Variants in AMOTL2 observed in about 807,000 individuals in gnomAD.
AMOTL2 encodes the protein angiomotin-like protein 2.
A neutral mutation model predicts 78.4 loss-of-function variants in AMOTL2; 33 were observed. The observed-to-expected ratio is 0.42, with a 90% CI of 0.32 to 0.56. AMOTL2 has a LOEUF of 0.56. Among genes scored for constraint, AMOTL2 ranks in the 20% least tolerant of loss-of-function variants. The probability of loss-of-function intolerance (pLI) is 0.12; values close to 1 mark genes in which losing one functional copy is unlikely to be tolerated. For missense variants in AMOTL2, 983 were observed against 1,030.1 expected, an observed-to-expected ratio of 0.95 and a Z score of 0.63; for synonymous variants, 422 against 428.8, an observed-to-expected ratio of 0.98 and a Z score of 0.20.
At chr3:134,363,947 C>T (rs368931117) in intron 5 of AMOTL2, among the ~76,000 whole-genome samples, 1 of 152,188 alleles carries the variant, frequency 6.6e-6, no homozygotes, top group Non-Finnish European at 1.5e-5. Context: ...ACCAACAGGA[C>T]CCTGATAAAA....
In AMOTL2 at chr3:134,374,334, T is replaced by C; in HGVS notation, c.-62+8A>G. On this transcript the variant is annotated splice_region_variant and intron_variant, in intron 1 of 9. Transcript: ENST00000249883. ...GCGCTCTCCCGAGCGCCGAGCGGCC[T>C]TCCTTACCGCTGCGGCCCGAGGGTG... 1 of 985,112 alleles carries C rather than the reference T, an allele frequency of 1.0e-6. No homozygotes were observed. The highest frequency in any genetic ancestry group is 1.2e-6 in the Non-Finnish European group (1 of 829,892). The allele number at this position is 985,112 out of a possible 1,614,324, so 61.0% of individuals were successfully genotyped here. A position where few individuals can be genotyped will look rare whatever the true frequency, so the allele number is the denominator to read the frequency against.
Position 134,370,706 on chromosome 3 carries a change from T to C in AMOTL2, c.728A>G (p.Glu243Gly). 1.3e-6 allele frequency: 2 copies of C among 1,509,514 alleles called. No individual in the cohort carries two copies. The highest frequency in any genetic ancestry group is 8.9e-7 in the Non-Finnish European group (1 of 1,129,194). The allele number at this position is 1,509,514 out of a possible 1,614,324, so 93.5% of individuals were successfully genotyped here. The change falls in exon 2 of 10, where the codon GAA becomes GGA. Residue 243 changes from glutamate (E) to glycine (G), a missense_variant. Glu to Gly is a moderately conservative substitution (Grantham distance 98). Coordinates refer to ENST00000249883, the MANE Select transcript of AMOTL2 (RefSeq NM_016201.4). ...ARGSPHFQHA[E>G]VRILQAQVPP... ...CCAAGGTGGGGAGAGTTACCTGACT[T>C]CAGCATGCTGGAAGTGCGGGCTGCC... is the stretch of plus-strand genomic sequence containing the variant.
intron 2 of AMOTL2, among the ~76,000 whole-genome samples, chr3:134,370,486 T>C (rs528846384): frequency 2.6e-5 from 4 of 152,230 alleles, no homozygotes; most frequent in Non-Finnish European, 5.9e-5. Context: ...CAATGGTGCC[T>C]ATCTCTGAAT....
At chr3:134,365,677 G>T in intron 5 of AMOTL2, 140 bp downstream of exon 5, 1 of 694,742 alleles carries the variant, frequency 1.4e-6, no homozygotes, top group Non-Finnish European at 2.4e-6. Flanking sequence ...CCAGTCTAGT[G>T]TTGGGCATAC....
rs370989427 is a variant in AMOTL2, at chr3:134,365,807, C to T, written c.1279+10G>A. ...CACAGGCCAGGCTTCTTAGTGGGGC[C>T]CCTACTCACTCTGAGCAAGCAGCTT... On this transcript the variant is annotated intron_variant, in intron 5 of 9. Transcript: ENST00000249883. 5.6e-6 allele frequency: 9 copies of T among 1,613,252 alleles called. No individual in the cohort carries two copies. In the African/African-American group the frequency reaches 9.3e-5, roughly 17 times the overall value.
intron 6 of AMOTL2, among the ~76,000 whole-genome samples, chr3:134,360,618 G>A (rs2017315209): frequency 1.3e-5 from 2 of 152,204 alleles, no homozygotes; most frequent in Non-Finnish European, 2.9e-5. Context: ...AGGGCATAGA[G>A]ACCAGACAGA....
At chr3:134,364,216 GC>G (rs2017505191) in intron 5 of AMOTL2, among the ~76,000 whole-genome samples, 1 of 152,170 alleles carries the variant, frequency 6.6e-6, no homozygotes, top group African/African-American at 2.4e-5. Flanking sequence ...GCGGCGGGGG[GC>G]GGGCCGGGAG....
chr3:134,366,701 G>C lies in AMOTL2; in HGVS notation c.1042-274C>G. On this transcript the variant is annotated intron_variant, in intron 3 of 9. Coordinates refer to ENST00000249883, the MANE Select transcript of AMOTL2 (RefSeq NM_016201.4). ...AGGTACTTTGGAAGTAGCTGCCTGC[G>C]GGGTGACTAAACACAGCTTCCCTGT... 2.8e-5 allele frequency: 10 copies of C among 356,828 alleles called. No homozygotes were observed. The South Asian group carries it at 4.9e-4, about 17-fold the overall frequency. The allele number at this position is 356,828 out of a possible 1,614,324, so 22.1% of individuals were successfully genotyped here. A position where few individuals can be genotyped will look rare whatever the true frequency, so the allele number is the denominator to read the frequency against.
intron 1 of AMOTL2, among the ~76,000 whole-genome samples, chr3:134,373,152 GC>G (rs55852734): frequency 0.23 from 34,682 of 151,878 alleles, 4,265 homozygotes; most frequent in Middle Eastern, 0.27. Context: ...CCAGTCATGC[GC>G]CCCCCACACA....
intron 5 of AMOTL2, among the ~76,000 whole-genome samples, chr3:134,362,847 C>G (rs1031512250): frequency 1.3e-5 from 2 of 152,308 alleles, no homozygotes; most frequent in South Asian, 4.1e-4. Context: ...AGCTGCCTAC[C>G]TTGCTGGAGA....
chr3:134,374,585 C>G, upstream of AMOTL2: 2 of 985,844 alleles, frequency 2.0e-6, no homozygotes, highest in Non-Finnish European at 2.4e-6. Context: ...CCGCCCTCCT[C>G]CGCCCTCCGC....
Position 134,372,459 on chromosome 3 carries a change from A to G in AMOTL2, c.-61-965T>C, listed in dbSNP as rs1253292572. Among the ~76,000 whole-genome samples, 3 of 151,920 alleles carry G rather than the reference A, an allele frequency of 2.0e-5. No homozygotes were observed. In the East Asian group the frequency reaches 5.8e-4, roughly 29 times the overall value. The stretch of plus-strand genomic sequence containing the variant: ...TAGTGGGTCAGTCTTTTGTGCTGAC[A>G]GTAACTGCAAGAGAGCTCCAGGAAA... On this transcript the variant is annotated intron_variant, in intron 1 of 9. Coordinates refer to ENST00000249883, the MANE Select transcript of AMOTL2 (RefSeq NM_016201.4).
At chr3:134,358,815 G>T in intron 8 of AMOTL2, 96 bp from the exon 9 acceptor site, 1 of 1,410,550 alleles carries the variant, frequency 7.1e-7, no homozygotes, top group Non-Finnish European at 9.8e-7. Context: ...GATTCAAGGT[G>T]GAGTGGGCTG....
rs779215337 is a variant in AMOTL2 at position 134,361,630 on chromosome 3, A to G, written c.1457T>C (p.Val486Ala). 4 of 1,612,976 alleles carry G rather than the reference A, an allele frequency of 2.5e-6. No homozygotes were observed. In the East Asian group the frequency reaches 6.7e-5, roughly 27 times the overall value. Residue 486 changes from valine to alanine, a missense_variant, in exon 6 of 10, where the codon GTG becomes GCG. Val to Ala is a moderately conservative substitution (Grantham distance 64). Transcript: ENST00000249883. ...LRKKQAYVEK[V>A]ERLQQALGQL... The stretch of plus-strand genomic sequence containing the variant: ...CCCGAGCGCCTGCTGCAGCCGCTCC[A>G]CTTTCTCCACATAGGCCTGCTTCTT...
chr3:134,371,184 T>TCTCACCGCCCTGGTGCTC lies in AMOTL2; in HGVS notation c.232_249dup (p.Glu78_Glu83dup). 6.2e-7 allele frequency: 1 copy of TCTCACCGCCCTGGTGCTC among 1,613,848 alleles called. No homozygotes were observed. Among genetic ancestry groups the TCTCACCGCCCTGGTGCTC allele is most frequent in the Non-Finnish European group, 8.5e-7 (1 of 1,179,962 alleles). ...TAGAGGGTGTTCTCTGCCAGGTGGT[T>TCTCACCGCCCTGGTGCTC]CTCACCGCCCTGGTGCTCCTGGCCC... On this transcript the variant is annotated inframe_insertion, in exon 2 of 10. Coordinates refer to ENST00000249883, the MANE Select transcript of AMOTL2 (RefSeq NM_016201.4).
In AMOTL2 at chr3:134,369,198, G is replaced by A. The variant is rs192748989; in HGVS notation, c.735-1395C>T. On this transcript the variant is annotated intron_variant, in intron 2 of 9. Coordinates refer to ENST00000249883, the MANE Select transcript of AMOTL2 (RefSeq NM_016201.4). ...ACCTAAGGTGGGGCTTCCAGTAAGA[G>A]CTGGGAAGAGGGTCCCCACTGGAGT... 1.5e-4 allele frequency among the ~76,000 whole-genome samples: 23 copies of A among 152,322 alleles called. No homozygotes were observed. The East Asian group carries it at 4.1e-3, about 27-fold the overall frequency.
Position 134,365,936 on chromosome 3 carries a change from T to C in AMOTL2, c.1187-27A>G. On this transcript the variant is annotated intron_variant, in intron 4 of 9. Transcript: ENST00000249883. ...TGTTTCAAGGGAAGGAAAGATGTTTTAGTGTCAGGTGAAGCTGCCAGCTTG... is the reference window on the plus strand; with the variant it reads ...TGTTTCAAGGGAAGGAAAGATGTTTCAGTGTCAGGTGAAGCTGCCAGCTTG... 1.9e-6 allele frequency: 3 copies of C among 1,608,834 alleles called. No homozygotes were observed. The Middle Eastern group carries it at 5.0e-4, about 266-fold the overall frequency.
At chr3:134,374,901 C>CTGTGTGTGTGTGTGTG (rs749884597), upstream of AMOTL2, 3 of 1,170,150 alleles carry the variant, frequency 2.6e-6, no homozygotes, top group African/African-American at 1.8e-5. Flanking sequence ...GGGACTCCGG[C>CTGTGTGTGTGTGTGTG]TGTGTGTGTG....
At chr3:134,359,597 C>CA (rs1039688250) in intron 7 of AMOTL2, 94 bp from the exon 8 acceptor site, 32 of 1,001,734 alleles carry the variant, frequency 3.2e-5, no homozygotes, top group East Asian at 2.8e-4. Flanking sequence ...AAAAGCCCCC[C>CA]CCAACTCCCC....
Sources: gnomAD v4.1 joint callset for allele counts (sites outside exome capture counted in the v4.1 genomes callset) on GRCh38, gnomAD v4.1.1 for gene constraint, MANE v1.5 for transcripts, NCBI Gene and HGNC (gene_info 2026-07-23, HGNC 2026-07-21) for gene names.